The following P3H2 variants were observed in gnomAD, a reference collection of about 807,000 sequenced individuals.
P3H2 encodes the protein prolyl 3-hydroxylase 2.
In P3H2, 80 loss-of-function variants were observed where a neutral mutation model predicts 87.0. The ratio of observed to expected loss-of-function variants is 0.92; its 90% confidence interval spans 0.77 to 1.11. The LOEUF (loss-of-function observed/expected upper bound fraction) is 1.11, where lower values mean the gene tolerates loss of function less well. P3H2 is among the 50% of genes least tolerant of loss of function. P3H2 has a pLI of 0.00. For missense variants in P3H2, 1,001 were observed against 923.9 expected (o/e 1.08, Z -1.08); for synonymous variants, 367 against 359.3 (o/e 1.02, Z -0.24).
intron 1 of P3H2, among the ~76,000 whole-genome samples, chr3:190,113,323 G>C (rs780550693): frequency 6.7e-6 from 1 of 149,814 alleles, no homozygotes; most frequent in Non-Finnish European, 1.5e-5. Context: ...CATGATCTTT[G>C]AGGGCTCTTT....
At chr3:190,004,510 G>A (rs915255929) in intron 1 of P3H2, among the ~76,000 whole-genome samples, 1 of 151,990 alleles carries the variant, frequency 6.6e-6, no homozygotes, top group Non-Finnish European at 1.5e-5. Flanking sequence ...AGCCTCCCGA[G>A]TAGCTGGGAC....
chr3:190,120,130 A>C, intron 1 of P3H2, 122 bp downstream of exon 1: 1 of 1,113,150 alleles, frequency 9.0e-7, no homozygotes. Context: ...ACAAACTGAG[A>C]CACATATTTA....
At chr3:190,084,308 C>A (rs1172314146) in intron 1 of P3H2, among the ~76,000 whole-genome samples, 1 of 152,128 alleles carries the variant, frequency 6.6e-6, no homozygotes, top group South Asian at 2.1e-4. Context: ...AAATGGTCTC[C>A]GCTAAAGAAG....
intron 10 of P3H2, among the ~76,000 whole-genome samples, chr3:189,973,511 CTTTTT>C (rs869099221): frequency 2.8e-5 from 1 of 35,462 alleles, no homozygotes; most frequent in Non-Finnish European, 5.0e-5. Flanking sequence ...TTCTTTCTTT[CTTTTT>C]TTTTTTTTTT....
At chr3:190,080,794 T>A (rs927467306) in intron 1 of P3H2, among the ~76,000 whole-genome samples, 1 of 152,120 alleles carries the variant, frequency 6.6e-6, no homozygotes, top group Non-Finnish European at 1.5e-5. Flanking sequence ...AAGAAAAACA[T>A]ATGGCAACAT....
intron 8 of P3H2, among the ~76,000 whole-genome samples, chr3:189,978,076 A>G (rs1365802562): frequency 2.0e-5 from 3 of 152,228 alleles, no homozygotes; most frequent in Admixed American, 1.3e-4. Context: ...TTAGAAGTAT[A>G]AAAAGAAATG....
chr3:190,099,029 C>CT (rs574759659), intron 1 of P3H2, among the ~76,000 whole-genome samples: 49 of 151,506 alleles, frequency 3.2e-4, no homozygotes, highest in East Asian at 2.3e-3. Context: ...TATAGCTGTG[C>CT]TTTTTTTTAA....
At chr3:189,993,061 G>A (rs1032271313) in intron 3 of P3H2, among the ~76,000 whole-genome samples, 5 of 151,978 alleles carry the variant, frequency 3.3e-5, no homozygotes, top group Admixed American at 2.6e-4. Flanking sequence ...GCTGGCTCAC[G>A]CCCGTAATCC....
intron 1 of P3H2, among the ~76,000 whole-genome samples, chr3:190,119,262 T>C (rs1712436486): frequency 7.1e-6 from 1 of 141,652 alleles, no homozygotes; most frequent in African/African-American, 2.6e-5. Flanking sequence ...AGCAGCCTGG[T>C]CCATTGGCTA....
chr3:190,088,736 AT>A (rs917239044), intron 1 of P3H2, among the ~76,000 whole-genome samples: 3 of 152,154 alleles, frequency 2.0e-5, no homozygotes, highest in African/African-American at 7.2e-5. Context: ...TGATTTTCTC[AT>A]TTTTTAAAAA....
intron 14 of P3H2, among the ~76,000 whole-genome samples, chr3:189,959,359 C>T (rs1395476576): frequency 2.0e-5 from 3 of 150,098 alleles, no homozygotes; most frequent in Non-Finnish European, 3.0e-5. Context: ...CACCCACTAA[C>T]TCGTCATCTA....
intron 1 of P3H2, among the ~76,000 whole-genome samples, chr3:190,067,709 C>T (rs1346977741): frequency 2.6e-5 from 4 of 151,940 alleles, no homozygotes; most frequent in East Asian, 3.9e-4. Context: ...CTTAAGTGTT[C>T]GTTAAAAAGT....
intron 1 of P3H2, among the ~76,000 whole-genome samples, chr3:190,031,917 C>A (rs1242217245): frequency 4.6e-5 from 7 of 152,076 alleles, no homozygotes; most frequent in African/African-American, 1.7e-4. Context: ...AAAAAGACAA[C>A]AATTAAGGGC....
chr3:190,062,217 C>A (rs1394196962), intron 1 of P3H2, among the ~76,000 whole-genome samples: 1 of 152,104 alleles, frequency 6.6e-6, no homozygotes, highest in Non-Finnish European at 1.5e-5. Context: ...TCTTTGCTCT[C>A]AAACCCTTCC....
rs762424150 is a variant in P3H2, at chr3:189,972,993, C to T, written c.1580G>A (p.Ser527Asn). The change falls in exon 11 of 15, where the codon AGC (serine) becomes AAC (asparagine). Residue 527 changes from serine to asparagine, a missense_variant. Ser to Asn is a conservative substitution (Grantham distance 46). Transcript: ENST00000319332. Reference sequence around the variant, plus strand: ...GCTGATGTCATAAAACAGACGAGCGCTCTTCAGTGGGACTCGACCTTCATA... The same window carrying T: ...GCTGATGTCATAAAACAGACGAGCGTTCTTCAGTGGGACTCGACCTTCATA... ...SGYEGRVPLK[S>N]ARLFYDISEK... 5 of 1,612,906 alleles carry T rather than the reference C, an allele frequency of 3.1e-6. No individual in the cohort carries two copies. The highest frequency in any genetic ancestry group is 3.4e-6 in the Non-Finnish European group (4 of 1,179,662).
intron 1 of P3H2, among the ~76,000 whole-genome samples, chr3:190,033,499 G>A (rs1341333652): frequency 6.6e-6 from 1 of 152,002 alleles, no homozygotes; most frequent in Non-Finnish European, 1.5e-5. Context: ...AAACATTTTT[G>A]TCATTTATGA....
At chr3:189,973,507 C>CTTTTTTTTTTTTTTTTTTTTTTTTT (rs879286759) in intron 10 of P3H2, among the ~76,000 whole-genome samples, 3 of 78,988 alleles carry the variant, frequency 3.8e-5, no homozygotes, top group South Asian at 5.3e-4. Context: ...TTCTTTCTTT[C>CTTTTTTTTTTTTTTTTTTTTTTTTT]TTTCTTTTTT....
intron 1 of P3H2, among the ~76,000 whole-genome samples, chr3:190,118,004 T>A (rs1465066030): frequency 6.6e-6 from 1 of 152,182 alleles, no homozygotes; most frequent in African/African-American, 2.4e-5. Flanking sequence ...CTTCTTAAAC[T>A]TCATTAATTC....
intron 1 of P3H2, among the ~76,000 whole-genome samples, chr3:190,034,677 C>T (rs953246106): frequency 1.1e-4 from 17 of 151,992 alleles, no homozygotes; most frequent in South Asian, 4.2e-4. Flanking sequence ...TGGGTGGTGA[C>T]GTAACTGCTC....
Sources: allele counts gnomAD v4.1 joint callset (sites outside exome capture counted in the v4.1 genomes callset), GRCh38; gene constraint gnomAD v4.1.1; transcripts MANE v1.5; gene names NCBI Gene and HGNC (gene_info 2026-07-23, HGNC 2026-07-21).